IQSEC1: variants seen among roughly 807,000 people sequenced by gnomAD.
IQSEC1 encodes the protein IQ motif and Sec7 domain ArfGEF 1.
Under a neutral mutation model 91.0 loss-of-function variants are expected in IQSEC1, and 31 were observed. That is an observed-to-expected ratio of 0.34 (90% CI 0.26 to 0.46). The LOEUF (loss-of-function observed/expected upper bound fraction) is 0.46, where lower values mean the gene tolerates loss of function less well. Among genes scored for constraint, IQSEC1 ranks in the 20% least tolerant of loss-of-function variants. The probability of loss-of-function intolerance (pLI) is 1.00; values close to 1 mark genes in which losing one functional copy is unlikely to be tolerated. For missense variants in IQSEC1, 1,388 were observed against 1,575.6 expected (o/e 0.88, Z 2.02); for synonymous variants, 699 against 662.6 (o/e 1.05, Z -0.84).
intron 1 of IQSEC1, among the ~76,000 whole-genome samples, chr3:12,955,390 C>T (rs1298554277): frequency 1.3e-5 from 2 of 152,218 alleles, no homozygotes; most frequent in Admixed American, 6.5e-5. Flanking sequence ...AGACTGGCTC[C>T]GCAGGCTGGC....
intron 1 of IQSEC1, among the ~76,000 whole-genome samples, chr3:13,168,298 A>T (rs575979800): frequency 1.3e-5 from 2 of 152,320 alleles, no homozygotes; most frequent in East Asian, 3.9e-4. Flanking sequence ...ACAAGTAAAA[A>T]TCATCTCTAA....
At chr3:13,093,407 T>G (rs1705901194) in intron 2 of IQSEC1, among the ~76,000 whole-genome samples, 1 of 152,070 alleles carries the variant, frequency 6.6e-6, no homozygotes. Context: ...AGAGTTTATG[T>G]CCTCACCGGG....
At chr3:12,950,646 ATT>A (rs35512437) in intron 1 of IQSEC1, among the ~76,000 whole-genome samples, 1 of 145,966 alleles carries the variant, frequency 6.9e-6, no homozygotes. Context: ...ATCTCTACAA[ATT>A]TTTTTTTTTT....
At position 12,901,303 on chromosome 3, in the gene IQSEC1, CCA is replaced by C; in HGVS notation, c.3023_3024del (p.Val1008GlyfsTer184). 1.3e-6 allele frequency: 2 copies of C among 1,545,772 alleles called. No homozygotes were observed. Among genetic ancestry groups the C allele is most frequent in the Non-Finnish European group, 1.7e-6 (2 of 1,145,578 alleles). ...TCTGGGGGCCCCAGGTGGTGGCCAG[CCA>C]CAGAGTGCTGCAAGTGAGGCAGGAC... ...PVVLPHLQHS[V>X]AGHHLGPPEG... On this transcript the variant is annotated frameshift_variant, in exon 14 of 14. Coordinates refer to ENST00000613206, the MANE Select transcript of IQSEC1 (RefSeq NM_001134382.3). LOFTEE classifies it low-confidence loss of function (END_TRUNC).
At chr3:12,931,848 T>C (rs1186091349) in intron 3 of IQSEC1, among the ~76,000 whole-genome samples, 1 of 152,176 alleles carries the variant, frequency 6.6e-6, no homozygotes, top group Non-Finnish European at 1.5e-5. Flanking sequence ...TACAGGGCCC[T>C]GTGCTGGAAG....
At chr3:13,224,495 C>T (rs1694718541) in intron 1 of IQSEC1, among the ~76,000 whole-genome samples, 1 of 152,104 alleles carries the variant, frequency 6.6e-6, no homozygotes, top group South Asian at 2.1e-4. Flanking sequence ...GGGGCTTCAG[C>T]CTTGTGACAT....
chr3:13,241,419 A>C (rs182955337), intron 1 of IQSEC1, among the ~76,000 whole-genome samples: 162 of 152,230 alleles, frequency 1.1e-3, no homozygotes, highest in African/African-American at 3.8e-3. Context: ...TCCATTTTCT[A>C]CGCCTGGGAG....
At chr3:13,160,190 G>A (rs1707151653) in intron 2 of IQSEC1, among the ~76,000 whole-genome samples, 1 of 152,156 alleles carries the variant, frequency 6.6e-6, no homozygotes, top group Non-Finnish European at 1.5e-5. Context: ...CTGCTCCGGA[G>A]GCTAAGAAAA....
In IQSEC1 at chr3:13,246,905, T is replaced by C. The variant is rs565383563; in HGVS notation, c.272+35806A>G. ...AGACCTGACTCCCACCACGAGCGAA[T>C]GGGGAGGCTTCTTGCTCTCCCAATT... On this transcript the variant is annotated intron_variant, in intron 1 of 15. Transcript: ENST00000648114. 2.0e-5 allele frequency among the ~76,000 whole-genome samples: 3 copies of C among 152,260 alleles called. No individual in the cohort carries two copies. The South Asian group carries it at 6.2e-4, about 32-fold the overall frequency.
At chr3:13,053,143 A>T in intron 1 of IQSEC1, 1 of 779,408 alleles carries the variant, frequency 1.3e-6, no homozygotes, top group Non-Finnish European at 2.3e-6. Context: ...GGACTCAAGC[A>T]CACACCACGA....
At chr3:13,024,891 C>T (rs764833833) in intron 1 of IQSEC1, among the ~76,000 whole-genome samples, 11 of 152,236 alleles carry the variant, frequency 7.2e-5, no homozygotes, top group African/African-American at 1.7e-4. Flanking sequence ...TCTTGCAGAG[C>T]CTCAGTTTGT....
chr3:13,037,476 G>T (rs1386600126), intron 1 of IQSEC1, among the ~76,000 whole-genome samples: 6 of 152,198 alleles, frequency 3.9e-5, no homozygotes, highest in Non-Finnish European at 8.8e-5. Flanking sequence ...GAATCGATGA[G>T]ATCTATACAT....
Position 13,240,363 on chromosome 3 carries a change from C to T in IQSEC1, c.272+42348G>A, listed in dbSNP as rs891588147. ...TCCAGCCTGGGTGACAGAGTGAGAC[C>T]TTATCGCTAATAAATAAATGAATAA... On this transcript the variant is annotated intron_variant, in intron 1 of 15. Transcript: ENST00000648114. 2.0e-5 allele frequency among the ~76,000 whole-genome samples: 3 copies of T among 151,972 alleles called. No individual in the cohort carries two copies. In the East Asian group the frequency reaches 5.8e-4, roughly 29 times the overall value.
At chr3:13,161,791 G>T (rs1477975779) in intron 2 of IQSEC1, among the ~76,000 whole-genome samples, 1 of 152,170 alleles carries the variant, frequency 6.6e-6, no homozygotes, top group Non-Finnish European at 1.5e-5. Flanking sequence ...ACTTCCATCC[G>T]CGATCTCCCT....
In IQSEC1 at chr3:12,901,409, G is replaced by A. The variant is rs565142672; in HGVS notation, c.2919C>T (p.Phe973=). 1.6e-4 allele frequency: 247 copies of A among 1,545,236 alleles called. No individual in the cohort carries two copies. Among genetic ancestry groups the A allele is most frequent in the Non-Finnish European group, 2.0e-4 (224 of 1,145,592 alleles). The stretch of plus-strand genomic sequence containing the variant: ...GAGGGGGCTTCCCTCTCTTGCTCCC[G>A]AATAAGGAGCCCAGGAGGGAAGATG... ...PNSSSLLGSL[F]GSKRGKPPPQ... Residue 973 remains phenylalanine (F), a synonymous_variant, in exon 14 of 14, where the codon TTC becomes TTT. Coordinates refer to ENST00000613206, the MANE Select transcript of IQSEC1 (RefSeq NM_001134382.3).
intron 1 of IQSEC1, among the ~76,000 whole-genome samples, chr3:12,957,227 C>T (rs562003664): frequency 6.6e-6 from 1 of 152,340 alleles, no homozygotes; most frequent in South Asian, 2.1e-4. Context: ...AAGACTGCTT[C>T]CCTTGCCATG....
intron 2 of IQSEC1, among the ~76,000 whole-genome samples, chr3:13,086,013 G>A (rs1705729396): frequency 6.6e-6 from 1 of 152,202 alleles, no homozygotes; most frequent in Non-Finnish European, 1.5e-5. Flanking sequence ...CTGGTAACTT[G>A]GGCCGCCGCA....
intron 1 of IQSEC1, among the ~76,000 whole-genome samples, chr3:13,225,884 T>A (rs1029454603): frequency 2.0e-5 from 3 of 151,998 alleles, no homozygotes; most frequent in African/African-American, 7.3e-5. Flanking sequence ...ATCAATTTTT[T>A]TTTTTCTTTT....
At chr3:13,023,465 T>C (rs929140579) in intron 1 of IQSEC1, among the ~76,000 whole-genome samples, 1 of 152,104 alleles carries the variant, frequency 6.6e-6, no homozygotes, top group African/African-American at 2.4e-5. Context: ...GAAGGGCAGG[T>C]GCACCCAGCA....
Sources: allele counts gnomAD v4.1 joint callset (sites outside exome capture counted in the v4.1 genomes callset), GRCh38; gene constraint gnomAD v4.1.1; transcripts MANE v1.5; gene names NCBI Gene and HGNC (gene_info 2026-07-23, HGNC 2026-07-21).